Variants in CCDC12 observed in about 807,000 individuals in gnomAD.
CCDC12 encodes coiled-coil domain containing 12.
A neutral mutation model predicts 25.7 loss-of-function variants in CCDC12; 28 were observed. The observed-to-expected ratio is 1.09, with a 90% CI of 0.81 to 1.50. The LOEUF (loss-of-function observed/expected upper bound fraction) is 1.50, where lower values mean the gene tolerates loss of function less well. CCDC12 is among the 40% of genes most tolerant of loss of function. The probability of loss-of-function intolerance (pLI) is 0.00; values close to 1 mark genes in which losing one functional copy is unlikely to be tolerated. For missense variants in CCDC12, 198 were observed against 210.0 expected, an observed-to-expected ratio of 0.94 and a Z score of 0.35; for synonymous variants, 75 against 87.7, an observed-to-expected ratio of 0.86 and a Z score of 0.81.
At chr3:46,974,067 A>AT (rs1338480722) in intron 1 of CCDC12, among the ~76,000 whole-genome samples, 9 of 152,234 alleles carry the variant, frequency 5.9e-5, no homozygotes, top group Non-Finnish European at 1.3e-4. Context: ...AAGTGTGAAG[A>AT]CATGCTAAGT....
chr3:46,966,020 C>G (rs1002398764), intron 1 of CCDC12: 5 of 152,422 alleles, frequency 3.3e-5, no homozygotes, highest in Admixed American at 1.3e-4. Flanking sequence ...GGTGGCGGAG[C>G]CAGGTGGGCA....
intron 1 of CCDC12, among the ~76,000 whole-genome samples, chr3:46,973,268 G>A (rs573582148): frequency 3.3e-5 from 5 of 150,636 alleles, no homozygotes; most frequent in Non-Finnish European, 5.9e-5. Context: ...CAGGAGAATC[G>A]CTTGAACCCA....
In CCDC12 at chr3:46,965,220, C is replaced by T. The variant is rs73831431; in HGVS notation, c.96+11417G>A. Among the ~76,000 whole-genome samples the T allele has an allele frequency of 2.5e-3, 383 of 152,304 alleles. 3 individuals carry two copies. The highest frequency in any genetic ancestry group is 0.012 in the South Asian group (57 of 4,830). ...CAAAAGCTAACAGAAAGATTAAAAA[C>T]CAGCTTGAATTTCAACATTCCTTTG... On this transcript the variant is annotated intron_variant, in intron 1 of 6. Coordinates refer to ENST00000683445, the MANE Select transcript of CCDC12 (RefSeq NM_001277074.2).
At position 46,929,500 on chromosome 3, in the gene CCDC12, C is replaced by T. The variant is rs188389173; in HGVS notation, c.165-3965G>A. ...AGCAGTAGGGCAGGCCAACACCTAA[C>T]ACCTTGTCAGCTGGCCAGGAAATAC... On this transcript the variant is annotated intron_variant, in intron 2 of 6. Transcript: ENST00000683445. Among the ~76,000 whole-genome samples the T allele has an allele frequency of 2.0e-4, 31 of 152,248 alleles. No homozygotes were observed. The East Asian group carries it at 5.2e-3, about 26-fold the overall frequency.
chr3:46,963,152 G>C (rs1048753554), intron 1 of CCDC12, among the ~76,000 whole-genome samples: 1 of 152,228 alleles, frequency 6.6e-6, no homozygotes, highest in African/African-American at 2.4e-5. Flanking sequence ...CAAGTCCAGA[G>C]TGGTTCCCCT....
At chr3:46,952,131 G>A (rs1342338459) in intron 1 of CCDC12, among the ~76,000 whole-genome samples, 1 of 151,864 alleles carries the variant, frequency 6.6e-6, no homozygotes, top group Non-Finnish European at 1.5e-5. Flanking sequence ...TTCCTTCCTA[G>A]ACTGGAAGCT....
chr3:46,959,256 A>G lies in CCDC12; in HGVS notation c.96+17381T>C, dbSNP rs556609546. Among the ~76,000 whole-genome samples, 4 of 152,348 alleles carry G rather than the reference A, an allele frequency of 2.6e-5. 1 individual carries two copies. The South Asian group carries it at 8.3e-4, about 32-fold the overall frequency. On this transcript the variant is annotated intron_variant, in intron 1 of 6. Transcript: ENST00000683445. ...GCTCAGCATATGGAAAGGTTGAGAA[A>G]GCAGAACCACATGAGGAGTCAATAC... is the stretch of plus-strand genomic sequence containing the variant.
intron 1 of CCDC12, among the ~76,000 whole-genome samples, chr3:46,953,982 C>T (rs986196481): frequency 8.5e-5 from 13 of 152,292 alleles, no homozygotes; most frequent in African/African-American, 2.2e-4. Flanking sequence ...TCTAAGCTCA[C>T]GAGGGGAGCA....
At chr3:46,964,229 C>T (rs2034565232) in intron 1 of CCDC12, among the ~76,000 whole-genome samples, 1 of 151,748 alleles carries the variant, frequency 6.6e-6, no homozygotes, top group African/African-American at 2.4e-5. Context: ...GCAGCTGCCC[C>T]GTCTGAGAAG....
chr3:46,932,370 G>A (rs192635456), intron 2 of CCDC12, among the ~76,000 whole-genome samples: 7 of 152,304 alleles, frequency 4.6e-5, no homozygotes, highest in Admixed American at 4.6e-4. Context: ...TTTGTTTGGT[G>A]GTTGATATTT....
At chr3:46,933,618 G>A (rs2033321164) in intron 2 of CCDC12, among the ~76,000 whole-genome samples, 2 of 152,224 alleles carry the variant, frequency 1.3e-5, no homozygotes, top group African/African-American at 4.8e-5. Flanking sequence ...GCTCTACACT[G>A]ACAAGTTTGA....
At chr3:46,954,918 G>A (rs1436485862) in intron 1 of CCDC12, among the ~76,000 whole-genome samples, 4 of 152,012 alleles carry the variant, frequency 2.6e-5, no homozygotes, top group Non-Finnish European at 4.4e-5. Context: ...GCGAAACTCC[G>A]TCTGAAAAAA....
chr3:46,944,914 G>C (rs1222129189), intron 1 of CCDC12, among the ~76,000 whole-genome samples: 2 of 152,168 alleles, frequency 1.3e-5, no homozygotes, highest in Admixed American at 1.3e-4. Flanking sequence ...GCTCTGTCCA[G>C]AACACTCTTA....
chr3:46,943,866 A>G (rs2033807427), intron 1 of CCDC12, among the ~76,000 whole-genome samples: 1 of 152,232 alleles, frequency 6.6e-6, no homozygotes, highest in Non-Finnish European at 1.5e-5. Flanking sequence ...AAAGATCCAC[A>G]TCTGTGGCAG....
At chr3:46,934,013 G>A (rs937284459) in intron 2 of CCDC12, among the ~76,000 whole-genome samples, 1 of 150,736 alleles carries the variant, frequency 6.6e-6, no homozygotes, top group African/African-American at 2.4e-5. Flanking sequence ...TCCGCCTCCC[G>A]GGTTCACTCC....
At chr3:46,943,416 T>C (rs761606591) in intron 1 of CCDC12, among the ~76,000 whole-genome samples, 1 of 152,180 alleles carries the variant, frequency 6.6e-6, no homozygotes, top group Non-Finnish European at 1.5e-5. Flanking sequence ...ACACCTGCCC[T>C]GGGTAAGGGC....
intron 1 of CCDC12, among the ~76,000 whole-genome samples, chr3:46,963,995 C>T (rs1192961334): frequency 5.3e-5 from 8 of 152,224 alleles, no homozygotes; most frequent in Non-Finnish European, 7.4e-5. Flanking sequence ...GGCCGCCATC[C>T]CATCTAGGAA....
upstream of CCDC12, among the ~76,000 whole-genome samples, chr3:46,980,440 T>TC (rs2035244478): frequency 6.6e-6 from 1 of 151,524 alleles, no homozygotes; most frequent in African/African-American, 2.4e-5. Flanking sequence ...TTGAGTTGCA[T>TC]CCCCCCACAC....
chr3:46,926,322 G>C (rs2107105733), intron 2 of CCDC12, among the ~76,000 whole-genome samples: 1 of 152,300 alleles, frequency 6.6e-6, no homozygotes, highest in Middle Eastern at 3.4e-3. Flanking sequence ...TGGCCAGTGA[G>C]GGCTGTGAAA....
Sources: allele counts gnomAD v4.1 joint callset (sites outside exome capture counted in the v4.1 genomes callset), GRCh38; gene constraint gnomAD v4.1.1; transcripts MANE v1.5; gene names NCBI Gene and HGNC (gene_info 2026-07-23, HGNC 2026-07-21).